CCDC148: variants seen among roughly 807,000 people sequenced by gnomAD.
CCDC148 encodes coiled-coil domain containing 148, also known as coiled-coil domain-containing protein 148.
A neutral mutation model predicts 85.7 loss-of-function variants in CCDC148; 89 were observed. That is an observed-to-expected ratio of 1.04 (90% CI 0.87 to 1.24). The LOEUF (loss-of-function observed/expected upper bound fraction) is 1.24, where lower values mean the gene tolerates loss of function less well. Among genes scored for constraint, CCDC148 ranks in the 50% most tolerant of loss-of-function variants. CCDC148 has a pLI of 0.00. For missense variants in CCDC148, 692 were observed against 671.7 expected (o/e 1.03, Z -0.33); for synonymous variants, 230 against 213.9 (o/e 1.08, Z -0.66).
intron 1 of CCDC148, among the ~76,000 whole-genome samples, chr2:158,375,632 G>T (rs1684619253): frequency 6.6e-6 from 1 of 151,964 alleles, no homozygotes; most frequent in Non-Finnish European, 1.5e-5. Context: ...TTTGTTCAGG[G>T]TAAAATATTG....
At chr2:158,172,296 T>C (rs767984221) in intron 13 of CCDC148, 37 bp from the exon 14 acceptor site, 2 of 1,460,816 alleles carry the variant, frequency 1.4e-6, no homozygotes, top group Non-Finnish European at 1.9e-6. Context: ...TAACAATTCA[T>C]TGAACTAAAA....
intron 1 of CCDC148, among the ~76,000 whole-genome samples, chr2:158,360,525 G>T (rs1381754781): frequency 2.0e-5 from 3 of 152,174 alleles, no homozygotes; most frequent in Non-Finnish European, 1.5e-5. Context: ...TGATACCCAG[G>T]TAAACAGAGT....
intron 10 of CCDC148, among the ~76,000 whole-genome samples, chr2:158,232,600 T>G (rs1038521184): frequency 2.0e-5 from 3 of 152,200 alleles, no homozygotes; most frequent in Non-Finnish European, 4.4e-5. Context: ...TATTTCACGC[T>G]TGTGTGATGT....
chr2:158,212,086 A>T (rs1686609106), intron 11 of CCDC148, among the ~76,000 whole-genome samples: 1 of 152,174 alleles, frequency 6.6e-6, no homozygotes. Context: ...AGTTACTGCT[A>T]ATTTGCAAAA....
chr2:158,267,521 T>C (rs1254467442), intron 9 of CCDC148, among the ~76,000 whole-genome samples: 1 of 152,236 alleles, frequency 6.6e-6, no homozygotes, highest in East Asian at 1.9e-4. Context: ...AGGACTGTTG[T>C]TATTCAGTGT....
intron 9 of CCDC148, among the ~76,000 whole-genome samples, chr2:158,281,662 G>C (rs1167687450): frequency 6.6e-6 from 1 of 152,136 alleles, no homozygotes; most frequent in African/African-American, 2.4e-5. Flanking sequence ...AAGAGTCCAG[G>C]ACCAGATGGA....
intron 9 of CCDC148, among the ~76,000 whole-genome samples, chr2:158,275,586 CTCTT>C (rs1031836318): frequency 1.5e-4 from 23 of 152,046 alleles, no homozygotes; most frequent in African/African-American, 4.8e-4. Flanking sequence ...TTTTTGGAGT[CTCTT>C]TCTTTATCAA....
chr2:158,210,073 C>T (rs148377768), intron 11 of CCDC148, among the ~76,000 whole-genome samples: 5 of 152,118 alleles, frequency 3.3e-5, no homozygotes, highest in Non-Finnish European at 7.4e-5. Flanking sequence ...ACCCATCTCA[C>T]GTGCAAAGAC....
At chr2:158,443,495 C>T (rs1688024714) in intron 1 of CCDC148, among the ~76,000 whole-genome samples, 1 of 5,374 alleles carries the variant, frequency 1.9e-4, no homozygotes, top group African/African-American at 2.5e-4. Context: ...CAGAGCAAGT[C>T]TATCTCAAAA....
At position 158,278,103 on chromosome 2, in the gene CCDC148, A is replaced by AT. The variant is rs534603994; in HGVS notation, c.1111-27192dup. Among the ~76,000 whole-genome samples the AT allele has an allele frequency of 8.9e-4, 135 of 152,268 alleles. 1 individual carries two copies. Among genetic ancestry groups the AT allele is most frequent in the Non-Finnish European group, 1.7e-3 (113 of 68,022 alleles). On this transcript the variant is annotated intron_variant, in intron 9 of 13. Coordinates refer to ENST00000283233, the MANE Select transcript of CCDC148 (RefSeq NM_138803.4). Reference sequence around the variant, plus strand: ...TTAACATTTTTCCTTAAATTGACTCATTTTTTAAAACATAAATTTATTTGA... The same window carrying AT: ...TTAACATTTTTCCTTAAATTGACTCATTTTTTTAAAACATAAATTTATTTGA...
chr2:158,350,343 T>G (rs1349045144), intron 2 of CCDC148, among the ~76,000 whole-genome samples: 1 of 152,220 alleles, frequency 6.6e-6, no homozygotes, highest in African/African-American at 2.4e-5. Context: ...AATGTCTTTT[T>G]TGGTACATCT....
chr2:158,455,593 T>C (rs1688622463), intron 1 of CCDC148, among the ~76,000 whole-genome samples: 1 of 151,240 alleles, frequency 6.6e-6, no homozygotes, highest in Non-Finnish European at 1.5e-5. Context: ...TCCTATCAGC[T>C]TTTTCACACA....
chr2:158,291,328 ACTC>A (rs1690885116), intron 9 of CCDC148, among the ~76,000 whole-genome samples: 1 of 151,624 alleles, frequency 6.6e-6, no homozygotes, highest in Non-Finnish European at 1.5e-5. Flanking sequence ...GTAGACAAAA[ACTC>A]CTGCTCCTTG....
intron 9 of CCDC148, among the ~76,000 whole-genome samples, chr2:158,252,047 G>A (rs1574486690): frequency 6.6e-6 from 1 of 151,824 alleles, no homozygotes; most frequent in East Asian, 1.9e-4. Flanking sequence ...GGCTAAGGAA[G>A]CAGACAGCAG....
At chr2:158,426,444 G>A (rs1431404306) in intron 1 of CCDC148, among the ~76,000 whole-genome samples, 2 of 152,150 alleles carry the variant, frequency 1.3e-5, no homozygotes, top group Admixed American at 6.5e-5. Flanking sequence ...ATATTCAGAT[G>A]TAGGAAGGAA....
chr2:158,236,912 A>G (rs963117561), intron 10 of CCDC148, among the ~76,000 whole-genome samples: 2 of 152,206 alleles, frequency 1.3e-5, no homozygotes, highest in Non-Finnish European at 2.9e-5. Flanking sequence ...AAGATAGTCA[A>G]TAAATAGATG....
At chr2:158,192,397 A>G (rs1685464808) in intron 11 of CCDC148, among the ~76,000 whole-genome samples, 1 of 152,044 alleles carries the variant, frequency 6.6e-6, no homozygotes. Flanking sequence ...ATTAAATCTA[A>G]AACTTGGAAA....
intron 5 of CCDC148, 93 bp downstream of exon 5, chr2:158,340,149 A>G (rs1222197929): frequency 3.9e-6 from 4 of 1,015,012 alleles, no homozygotes; most frequent in Non-Finnish European, 5.7e-6. Flanking sequence ...TAACTAATAT[A>G]CAGGTCACAC....
intron 9 of CCDC148, among the ~76,000 whole-genome samples, chr2:158,259,324 T>C (rs1689127767): frequency 6.6e-6 from 1 of 151,846 alleles, no homozygotes. Context: ...GGTGCCTGTT[T>C]CCCCACTCGA....
Sources: gnomAD v4.1 joint callset for allele counts (sites outside exome capture counted in the v4.1 genomes callset) on GRCh38, gnomAD v4.1.1 for gene constraint, MANE v1.5 for transcripts, NCBI Gene and HGNC (gene_info 2026-07-23, HGNC 2026-07-21) for gene names.